The following VPS13A variants were observed in gnomAD, a reference collection of about 807,000 sequenced individuals.
VPS13A encodes vacuolar protein sorting 13 homolog A, also known as intermembrane lipid transfer protein VPS13A.
In VPS13A, 264 loss-of-function variants were observed where a neutral mutation model predicts 390.9. That is an observed-to-expected ratio of 0.68 (90% CI 0.61 to 0.75). The LOEUF is 0.75. Ranked by LOEUF, VPS13A falls within the 30% of genes least tolerant of loss-of-function variation. VPS13A has a pLI of 0.00. For missense variants in VPS13A, 3,409 were observed against 3,733.9 expected (o/e 0.91, Z 2.27); for synonymous variants, 1,231 against 1,227.1 (o/e 1.00, Z -0.07).
In VPS13A at chr9:77,318,540, A is replaced by T; in HGVS notation, c.5262A>T (p.Glu1754Asp). The T allele has an allele frequency of 6.2e-7, 1 of 1,613,920 alleles. No individual in the cohort carries two copies. ...TGGCAAAGTCACGTTTTTCAGGGGAAGGCAAAAACTGGAGTTCCCTAATAA... is the reference window on the plus strand; with the variant it reads ...TGGCAAAGTCACGTTTTTCAGGGGATGGCAAAAACTGGAGTTCCCTAATAA... ...MLLAKSRFSG[E>D]GKNWSSLINL... The change falls in exon 41 of 72, where the codon GAA (glutamate) becomes GAT (aspartate). Residue 1754 changes from glutamate to aspartate, a missense_variant. This residue lies in a region of VPS13A where 2,717 missense variants were observed against 2,917.4 expected (regional missense o/e 0.93). Coordinates refer to ENST00000360280, the MANE Select transcript of VPS13A (RefSeq NM_033305.3).
Position 77,366,838 on chromosome 9 carries a change from G to A in VPS13A, c.8437G>A (p.Ala2813Thr). The change falls in exon 61 of 72, where the codon GCC becomes ACC. Residue 2813 changes from alanine to threonine, a missense_variant. This residue lies in a region of VPS13A where 123 missense variants were observed against 118.7 expected (regional missense o/e 1.04). Coordinates refer to ENST00000360280, the MANE Select transcript of VPS13A (RefSeq NM_033305.3). ...SLNLLLKSIG[A>T]TLTDVQDVVF... ...AAATCTTTTGCTGAAGAGTATTGGTGCCACACTGACAGATGTACAAGATGT... is the reference window on the plus strand; with the variant it reads ...AAATCTTTTGCTGAAGAGTATTGGTACCACACTGACAGATGTACAAGATGT... The A allele has an allele frequency of 6.2e-7, 1 of 1,613,238 alleles. No individual in the cohort carries two copies. Among genetic ancestry groups the A allele is most frequent in the Non-Finnish European group, 8.5e-7 (1 of 1,179,528 alleles).
chr9:77,353,712 A>C, intron 54 of VPS13A, 71 bp downstream of exon 54: 1 of 1,374,738 alleles, frequency 7.3e-7, no homozygotes, highest in Non-Finnish European at 1.0e-6. Context: ...TTATTGTAAA[A>C]TCTCAAATGA....
At chr9:77,255,941 A>G (rs1825415472) in intron 22 of VPS13A, among the ~76,000 whole-genome samples, 1 of 152,010 alleles carries the variant, frequency 6.6e-6, no homozygotes, top group Non-Finnish European at 1.5e-5. Context: ...TTGAAGAACC[A>G]ACTCACATTT....
At chr9:77,382,919 A>G (rs1833518054) in intron 68 of VPS13A, 6 of 985,246 alleles carry the variant, frequency 6.1e-6, no homozygotes, top group Non-Finnish European at 6.0e-6. Context: ...GTAGGTAACT[A>G]GTAATCATAT....
In VPS13A at chr9:77,252,362, G is replaced by C. The variant is rs757521239; in HGVS notation, c.2288+10G>C. Reference sequence around the variant, plus strand: ...ATGTAAGGATGCCCAAGTATGTACTGTTTGTTTCATGTGAATATGGATTTT... The same window carrying C: ...ATGTAAGGATGCCCAAGTATGTACTCTTTGTTTCATGTGAATATGGATTTT... On this transcript the variant is annotated intron_variant, in intron 22 of 71. Transcript: ENST00000360280. 6 of 1,595,246 alleles carry C rather than the reference G, an allele frequency of 3.8e-6. No homozygotes were observed. The Admixed American group carries it at 5.0e-5, about 13-fold the overall frequency.
intron 17 of VPS13A, among the ~76,000 whole-genome samples, chr9:77,230,690 A>G (rs1401351128): frequency 6.6e-6 from 1 of 151,898 alleles, no homozygotes; most frequent in Non-Finnish European, 1.5e-5. Flanking sequence ...TTTTTGTTTT[A>G]GCTGTCCTGA....
In VPS13A at chr9:77,276,132, G is replaced by T. The variant is rs1457202318; in HGVS notation, c.2735G>T (p.Gly912Val). The change falls in exon 26 of 72, where the codon GGA (glycine) becomes GTA (valine). Residue 912 changes from glycine to valine, a missense_variant. By Grantham distance (109) the Gly-to-Val change is moderately radical. Coordinates refer to ENST00000360280, the MANE Select transcript of VPS13A (RefSeq NM_033305.3). ...ELSVVEILVL[G>V]LGAEIEIRTY... Reference sequence around the variant, plus strand: ...TCTGTGGTAGAAATTCTTGTTTTAGGATTGGGTGCAGAAATTGAGATTAGA... The same window carrying T: ...TCTGTGGTAGAAATTCTTGTTTTAGTATTGGGTGCAGAAATTGAGATTAGA... 2.5e-6 allele frequency: 4 copies of T among 1,613,062 alleles called. No homozygotes were observed. Among genetic ancestry groups the T allele is most frequent in the Admixed American group, 3.3e-5 (2 of 59,986 alleles).
intron 35 of VPS13A, among the ~76,000 whole-genome samples, chr9:77,310,961 T>C (rs1829038884): frequency 6.6e-6 from 1 of 151,826 alleles, no homozygotes; most frequent in Admixed American, 6.6e-5. Context: ...AGTCTCGCTA[T>C]GTCACCCAGG....
chr9:77,292,029 A>G (rs1415795173), intron 31 of VPS13A, among the ~76,000 whole-genome samples: 1 of 152,024 alleles, frequency 6.6e-6, no homozygotes, highest in Non-Finnish European at 1.5e-5. Context: ...GCCCTGAGGG[A>G]AACAAGGTTT....
chr9:77,191,836 A>G (rs1824704722), intron 1 of VPS13A, among the ~76,000 whole-genome samples: 1 of 152,190 alleles, frequency 6.6e-6, no homozygotes, highest in Non-Finnish European at 1.5e-5. Flanking sequence ...CCATGTGCAT[A>G]TGAGAATAAC....
At chr9:77,340,655 A>G (rs1830761314) in intron 50 of VPS13A, 105 bp downstream of exon 50, 6 of 1,428,580 alleles carry the variant, frequency 4.2e-6, no homozygotes, top group South Asian at 1.2e-5. Context: ...CCTTACTCCA[A>G]TTTTGTTTTA....
rs754462824 is a variant in VPS13A at position 77,238,351 on chromosome 9, C to T, written c.1865C>T (p.Thr622Ile). ...GCACAGCTCACTGCAGCAACTTTGA[C>T]AAAACTGGAAGAATTTCGCAGTAAG... ...HLAQLTAATLTKLEEFRSKTA... is the reference protein window; with the variant it reads ...HLAQLTAATLIKLEEFRSKTA... The change falls in exon 19 of 72, where the codon ACA (threonine) becomes ATA (isoleucine). Residue 622 changes from threonine to isoleucine, a missense_variant. Physicochemically the swap from Thr to Ile is moderately conservative, Grantham distance 89. Transcript: ENST00000360280. The T allele has an allele frequency of 1.2e-6, 2 of 1,613,902 alleles. No individual in the cohort carries two copies. Among genetic ancestry groups the T allele is most frequent in the South Asian group, 1.1e-5 (1 of 91,072 alleles).
At chr9:77,245,234 G>A (rs1413938469) in intron 19 of VPS13A, among the ~76,000 whole-genome samples, 2 of 152,168 alleles carry the variant, frequency 1.3e-5, no homozygotes, top group African/African-American at 4.8e-5. Flanking sequence ...GAAAGGCTTT[G>A]TTGAAACTAA....
In VPS13A at chr9:77,199,883, A is replaced by G. The variant is rs12552898; in HGVS notation, c.101-62A>G. 0.53 allele frequency: 725,383 copies of G among 1,363,288 alleles called. 195,103 individuals carry two copies. Among genetic ancestry groups the G allele is most frequent in the Admixed American group, 0.63 (33,101 of 52,950 alleles). The allele number at this position is 1,363,288 out of a possible 1,614,324, so 84.4% of individuals were successfully genotyped here. On this transcript the variant is annotated intron_variant, in intron 1 of 71. Coordinates refer to ENST00000360280, the MANE Select transcript of VPS13A (RefSeq NM_033305.3). ...TGATTATGACAGGAATGAAGCATAC[A>G]TATTAACTTTTTAAAATGAAAAATA...
chr9:77,190,504 A>G (rs1824608762), intron 1 of VPS13A, among the ~76,000 whole-genome samples: 1 of 152,312 alleles, frequency 6.6e-6, no homozygotes, highest in East Asian at 1.9e-4. Context: ...TTTTGCATTT[A>G]TGTTAATCAG....
At chr9:77,276,028 T>G in intron 25 of VPS13A, 37 bp from the exon 26 acceptor site, 1 of 1,603,976 alleles carries the variant, frequency 6.2e-7, no homozygotes, top group Non-Finnish European at 8.5e-7. Context: ...TGTTTTTGTT[T>G]TATGTAGTGG....
At chr9:77,399,603 AT>A (rs1363327104) in intron 68 of VPS13A, among the ~76,000 whole-genome samples, 2 of 152,262 alleles carry the variant, frequency 1.3e-5, no homozygotes, top group Non-Finnish European at 2.9e-5. Flanking sequence ...TGAGATCAAC[AT>A]TTGTATTCTT....
chr9:77,314,224 C>T, intron 36 of VPS13A, 105 bp downstream of exon 36: 1 of 1,248,512 alleles, frequency 8.0e-7, no homozygotes, highest in South Asian at 1.4e-5. Flanking sequence ...TTTGTAGTAT[C>T]TGTCCCTCTG....
chr9:77,371,906 G>T (rs1288475403), intron 67 of VPS13A, among the ~76,000 whole-genome samples: 2 of 139,910 alleles, frequency 1.4e-5, no homozygotes, highest in Non-Finnish European at 3.1e-5. Flanking sequence ...GCGGTGTTTG[G>T]TTTTTTGTTC....
Sources: allele counts gnomAD v4.1 joint callset (sites outside exome capture counted in the v4.1 genomes callset), GRCh38; gene constraint gnomAD v4.1.1; regional missense constraint gnomAD v4.1.1; transcripts MANE v1.5; gene names NCBI Gene and HGNC (gene_info 2026-07-23, HGNC 2026-07-21).